DPF3: variants seen among roughly 807,000 people sequenced by gnomAD.
DPF3 encodes the protein double PHD fingers 3.
In DPF3, 18 loss-of-function variants were observed where a neutral mutation model predicts 56.8. The ratio of observed to expected loss-of-function variants is 0.32; its 90% CI spans 0.22 to 0.47. The LOEUF is 0.47. Ranked by LOEUF, DPF3 falls within the 20% of genes least tolerant of loss-of-function variation. DPF3 has a pLI of 1.00. For missense variants in DPF3, 403 were observed against 488.8 expected (o/e 0.82, Z 1.65); for synonymous variants, 188 against 180.2 (o/e 1.04, Z -0.35).
rs2153565784 is a variant in DPF3, at chr14:72,619,921, C to T, written c.1048G>A (p.Val350Met). The T allele has an allele frequency of 6.5e-7, 1 of 1,534,242 alleles. No homozygotes were observed. The highest frequency in any genetic ancestry group is 8.7e-7 in the Non-Finnish European group (1 of 1,146,148). The change falls in exon 10 of 11, where the codon GTG becomes ATG. Residue 350 changes from valine (V) to methionine (M), a missense_variant. Physicochemically the swap from Val to Met is conservative, Grantham distance 21. Transcript: ENST00000556509. ...TCATTACCTTCTGGGGGCTCAGCCA[C>T]CGGGGGATTTAAACAGTACATGTGA... ...GYHMYCLNPPVAEPPEGSWSC... is the reference protein window; with the variant it reads ...GYHMYCLNPPMAEPPEGSWSC...
intron 3 of DPF3, among the ~76,000 whole-genome samples, chr14:72,750,911 C>T (rs1890546791): frequency 6.6e-6 from 1 of 151,726 alleles, no homozygotes; most frequent in Non-Finnish European, 1.5e-5. Context: ...TATGTGACTG[C>T]CAGGCACAGT....
intron 1 of DPF3, among the ~76,000 whole-genome samples, chr14:72,833,611 A>G (rs1884157243): frequency 6.6e-6 from 1 of 152,186 alleles, no homozygotes; most frequent in African/African-American, 2.4e-5. Flanking sequence ...GAGACCCCAA[A>G]AAACGTTGAG....
intron 1 of DPF3, among the ~76,000 whole-genome samples, chr14:72,883,032 G>T (rs1265398822): frequency 6.6e-6 from 1 of 152,222 alleles, no homozygotes; most frequent in Non-Finnish European, 1.5e-5. Context: ...TTGGTTGTGG[G>T]ATGAAGGAAC....
chr14:72,646,386 C>T (rs1885722541), intron 8 of DPF3, among the ~76,000 whole-genome samples: 2 of 152,188 alleles, frequency 1.3e-5, no homozygotes, highest in Non-Finnish European at 2.9e-5. Flanking sequence ...ACTCCAAGCC[C>T]ATGAGTGCCC....
intron 3 of DPF3, among the ~76,000 whole-genome samples, chr14:72,741,948 C>T (rs1370422969): frequency 2.0e-5 from 3 of 152,254 alleles, no homozygotes; most frequent in Admixed American, 6.5e-5. Flanking sequence ...CCCACCTCCT[C>T]GGCCAGCCCA....
chr14:72,768,672 C>A (rs1041649142), intron 2 of DPF3, among the ~76,000 whole-genome samples: 2 of 151,972 alleles, frequency 1.3e-5, no homozygotes, highest in African/African-American at 4.8e-5. Context: ...TTATATGAAT[C>A]CCCTCCCCAC....
intron 2 of DPF3, among the ~76,000 whole-genome samples, chr14:72,753,722 C>A (rs1022706229): frequency 1.3e-5 from 2 of 152,162 alleles, no homozygotes; most frequent in African/African-American, 4.8e-5. Context: ...CTATCCACTG[C>A]CCCTCTATCC....
At chr14:72,889,583 G>A (rs2140135518) in intron 1 of DPF3, among the ~76,000 whole-genome samples, 1 of 152,270 alleles carries the variant, frequency 6.6e-6, no homozygotes, top group Non-Finnish European at 1.5e-5. Context: ...TTAGAACCAG[G>A]AATGTGACCC....
intron 1 of DPF3, among the ~76,000 whole-genome samples, chr14:72,872,175 A>G (rs538540444): frequency 6.6e-6 from 1 of 152,172 alleles, no homozygotes; most frequent in East Asian, 1.9e-4. Context: ...TCTGGGACAC[A>G]GGGCACCAAG....
Position 72,784,518 on chromosome 14 carries a change from A to G in DPF3, c.33-12625T>C, listed in dbSNP as rs114951005. 3.7e-3 allele frequency among the ~76,000 whole-genome samples: 564 copies of G among 152,230 alleles called. 6 individuals are homozygous for G. The highest frequency in any genetic ancestry group is 0.013 in the African/African-American group (543 of 41,546). On this transcript the variant is annotated intron_variant, in intron 1 of 10. Transcript: ENST00000556509. ...TCTAGAATCTGATTTTCCTTCCCCC[A>G]CTATACTTATTTTCCCAGGTTCCCA...
intron 1 of DPF3, among the ~76,000 whole-genome samples, chr14:72,776,631 C>T (rs1484606510): frequency 3.3e-5 from 5 of 152,134 alleles, no homozygotes; most frequent in African/African-American, 4.8e-5. Flanking sequence ...AGACCCTCTG[C>T]TCCTCTTCCT....
chr14:72,621,028 C>T (rs1236091114), intron 9 of DPF3, among the ~76,000 whole-genome samples: 1 of 151,962 alleles, frequency 6.6e-6, no homozygotes, highest in African/African-American at 2.4e-5. Flanking sequence ...GTAATCCCAG[C>T]TACTCAGGAG....
chr14:72,775,971 C>A (rs1210500187), intron 1 of DPF3, among the ~76,000 whole-genome samples: 6 of 147,966 alleles, frequency 4.1e-5, no homozygotes, highest in Non-Finnish European at 7.4e-5. Flanking sequence ...TCCTTTCCAA[C>A]ATGGTATTTC....
At chr14:72,816,938 T>C (rs1296464194) in intron 1 of DPF3, among the ~76,000 whole-genome samples, 1 of 152,218 alleles carries the variant, frequency 6.6e-6, no homozygotes, top group East Asian at 1.9e-4. Context: ...CAGGCAATTC[T>C]CTACTCCACC....
intron 7 of DPF3, among the ~76,000 whole-genome samples, chr14:72,676,817 C>T (rs886858239): frequency 4.6e-5 from 7 of 152,192 alleles, no homozygotes; most frequent in Non-Finnish European, 1.5e-5. Context: ...TTATAAATCA[C>T]CCAATCTCGG....
chr14:72,791,602 T>C (rs1289110377), intron 1 of DPF3, among the ~76,000 whole-genome samples: 4 of 152,216 alleles, frequency 2.6e-5, no homozygotes, highest in Non-Finnish European at 5.9e-5. Context: ...CCTCAGATGA[T>C]GTCCTGGTGC....
At chr14:72,670,790 T>A (rs1373642234) in intron 8 of DPF3, 1 of 1,059,584 alleles carries the variant, frequency 9.4e-7, no homozygotes, top group Non-Finnish European at 1.1e-6. Context: ...ATTGAGGACA[T>A]CAACTCTGCT....
intron 1 of DPF3, among the ~76,000 whole-genome samples, chr14:72,864,132 C>G (rs979438339): frequency 2.4e-4 from 36 of 150,622 alleles, no homozygotes; most frequent in African/African-American, 8.5e-4. Context: ...CCCTCCTTTG[C>G]ATCCCACCCA....
At chr14:72,754,327 T>A (rs917094771) in intron 2 of DPF3, among the ~76,000 whole-genome samples, 1 of 152,114 alleles carries the variant, frequency 6.6e-6, no homozygotes, top group Non-Finnish European at 1.5e-5. Context: ...GAGTGTCTGA[T>A]ACCCCCCATA....
Sources: gnomAD v4.1 joint callset for allele counts (sites outside exome capture counted in the v4.1 genomes callset) on GRCh38, gnomAD v4.1.1 for gene constraint, MANE v1.5 for transcripts, NCBI Gene and HGNC (gene_info 2026-07-23, HGNC 2026-07-21) for gene names.